Variants in UVRAG observed in about 807,000 individuals in gnomAD.
UVRAG encodes the protein UV radiation resistance-associated gene protein.
A neutral mutation model predicts 78.0 loss-of-function variants in UVRAG; 19 were observed. The observed-to-expected ratio is 0.24, with a 90% CI of 0.17 to 0.36. The LOEUF (loss-of-function observed/expected upper bound fraction) is 0.36, where lower values mean the gene tolerates loss of function less well. Among genes scored for constraint, UVRAG ranks in the 10% least tolerant of loss-of-function variants. The pLI is 1.00. For missense variants in UVRAG, 740 were observed against 853.8 expected (o/e 0.87, Z 1.66); for synonymous variants, 323 against 324.6 (o/e 1.00, Z 0.05).
intron 8 of UVRAG, chr11:75,983,776 A>G (rs1362752177): frequency 3.2e-6 from 1 of 308,442 alleles, no homozygotes; most frequent in Non-Finnish European, 5.9e-6. Context: ...ATGTTACCAT[A>G]CTGAATACTG....
intron 14 of UVRAG, among the ~76,000 whole-genome samples, chr11:76,140,026 T>G (rs1175626405): frequency 2.8e-5 from 4 of 142,598 alleles, no homozygotes; most frequent in Non-Finnish European, 6.0e-5. Flanking sequence ...AAATTTTTTT[T>G]AATTTTTAAA....
intron 10 of UVRAG, among the ~76,000 whole-genome samples, chr11:76,008,368 G>A (rs1349832973): frequency 6.6e-6 from 1 of 152,142 alleles, no homozygotes; most frequent in African/African-American, 2.4e-5. Context: ...ATGAAAAAAG[G>A]AAAACTTCAA....
At chr11:76,136,030 A>ATAT (rs1952592182) in intron 14 of UVRAG, among the ~76,000 whole-genome samples, 1 of 152,252 alleles carries the variant, frequency 6.6e-6, no homozygotes, top group African/African-American at 2.4e-5. Flanking sequence ...TAAATCTATG[A>ATAT]GTTTCAACCT....
chr11:76,038,583 A>G (rs1026226632), intron 12 of UVRAG, among the ~76,000 whole-genome samples: 7 of 152,206 alleles, frequency 4.6e-5, no homozygotes, highest in African/African-American at 1.7e-4. Flanking sequence ...CCTGGAATCA[A>G]TCCTCCACAG....
intron 6 of UVRAG, among the ~76,000 whole-genome samples, chr11:75,912,980 G>T (rs1028105354): frequency 6.6e-6 from 1 of 152,218 alleles, no homozygotes; most frequent in African/African-American, 2.4e-5. Flanking sequence ...TTGCTTGAGA[G>T]ATGCCTACAC....
At chr11:75,930,688 A>G (rs564295413) in intron 6 of UVRAG, among the ~76,000 whole-genome samples, 41 of 152,328 alleles carry the variant, frequency 2.7e-4, no homozygotes, top group Admixed American at 6.5e-4. Flanking sequence ...TTTCTTTTGA[A>G]TGTAAGCAGA....
At chr11:75,997,413 A>G (rs1949728484) in intron 8 of UVRAG, among the ~76,000 whole-genome samples, 1 of 152,242 alleles carries the variant, frequency 6.6e-6, no homozygotes, top group Non-Finnish European at 1.5e-5. Context: ...TGCTGTTAAA[A>G]TTATATTGCC....
intron 7 of UVRAG, chr11:75,979,973 C>G (rs1253597585): frequency 6.5e-6 from 1 of 153,650 alleles, no homozygotes; most frequent in Admixed American, 6.5e-5. Flanking sequence ...GTCGCTCACG[C>G]TGGAAGCTGT....
intron 6 of UVRAG, among the ~76,000 whole-genome samples, chr11:75,939,210 G>T (rs12295217): frequency 6.6e-6 from 1 of 152,112 alleles, no homozygotes; most frequent in African/African-American, 2.4e-5. Context: ...GATCATTTTA[G>T]TATCTTCAGG....
intron 5 of UVRAG, among the ~76,000 whole-genome samples, chr11:75,895,180 C>T (rs997463680): frequency 6.6e-6 from 1 of 152,106 alleles, no homozygotes; most frequent in African/African-American, 2.4e-5. Context: ...TTTTTGTTGA[C>T]CAGTTCTTTG....
intron 13 of UVRAG, among the ~76,000 whole-genome samples, chr11:76,080,191 A>G (rs1212417607): frequency 6.6e-6 from 1 of 152,190 alleles, no homozygotes; most frequent in Non-Finnish European, 1.5e-5. Context: ...AAATTTCAAC[A>G]TGAGGTTTGG....
At chr11:76,066,701 G>T (rs1249091169) in intron 13 of UVRAG, among the ~76,000 whole-genome samples, 3 of 152,166 alleles carry the variant, frequency 2.0e-5, no homozygotes, top group Non-Finnish European at 4.4e-5. Context: ...TCGATCTGCT[G>T]ACCTCGTGAT....
intron 1 of UVRAG, among the ~76,000 whole-genome samples, chr11:75,827,607 G>T (rs11236544): frequency 0.12 from 17,993 of 149,948 alleles, 1,203 homozygotes; most frequent in East Asian, 0.23. Context: ...GCAAAACTCC[G>T]TCTCAAAAAC....
At chr11:75,997,542 G>A (rs1001066107) in intron 8 of UVRAG, among the ~76,000 whole-genome samples, 5 of 152,138 alleles carry the variant, frequency 3.3e-5, no homozygotes, top group African/African-American at 1.2e-4. Context: ...CGGCATTTTT[G>A]TTCCCTCTCT....
At chr11:75,996,831 A>G (rs567688697) in intron 8 of UVRAG, among the ~76,000 whole-genome samples, 2 of 152,192 alleles carry the variant, frequency 1.3e-5, no homozygotes, top group Non-Finnish European at 2.9e-5. Context: ...TTCTAAATAC[A>G]GTTCACTGCC....
chr11:76,090,623 T>TA (rs1951679768), intron 13 of UVRAG, among the ~76,000 whole-genome samples: 1 of 152,218 alleles, frequency 6.6e-6, no homozygotes. Context: ...TCTATATAAA[T>TA]ACCACTCAGA....
chr11:76,020,959 G>T (rs946508535), intron 12 of UVRAG, among the ~76,000 whole-genome samples: 1 of 152,136 alleles, frequency 6.6e-6, no homozygotes, highest in Admixed American at 6.6e-5. Context: ...GATGGGCATT[G>T]GCTGAGTTTA....
At chr11:76,070,204 A>G (rs1487379659) in intron 13 of UVRAG, among the ~76,000 whole-genome samples, 1 of 152,212 alleles carries the variant, frequency 6.6e-6, no homozygotes, top group African/African-American at 2.4e-5. Context: ...AGACACTGAA[A>G]GACAAAGACT....
At chr11:75,870,038 T>C (rs1163570129) in intron 3 of UVRAG, among the ~76,000 whole-genome samples, 1 of 152,164 alleles carries the variant, frequency 6.6e-6, no homozygotes, top group African/African-American at 2.4e-5. Flanking sequence ...ATTAATTTGT[T>C]CCATGTAGAA....
Sources: allele counts gnomAD v4.1 joint callset (sites outside exome capture counted in the v4.1 genomes callset), GRCh38; gene constraint gnomAD v4.1.1; transcripts MANE v1.5; gene names NCBI Gene and HGNC (gene_info 2026-07-23, HGNC 2026-07-21).